Variants in C2orf76 observed in about 807,000 individuals in gnomAD.
C2orf76 encodes chromosome 2 open reading frame 76.
In C2orf76, 23 loss-of-function variants were observed where a neutral mutation model predicts 16.9. The observed-to-expected ratio is 1.36, with a 90% CI of 0.98 to 1.93. C2orf76 has a LOEUF of 1.93. Ranked by LOEUF, C2orf76 falls within the 30% of genes most tolerant of loss-of-function variation. The probability of loss-of-function intolerance (pLI) is 0.00; values close to 1 mark genes in which losing one functional copy is unlikely to be tolerated. For synonymous variants in C2orf76, 48 were observed against 52.3 expected, an observed-to-expected ratio of 0.92 and a Z score of 0.35; for missense variants, 152 against 152.6, an observed-to-expected ratio of 1.00 and a Z score of 0.02.
intron 2 of C2orf76, among the ~76,000 whole-genome samples, chr2:119,332,726 A>T (rs1428402279): frequency 6.6e-6 from 1 of 152,080 alleles, no homozygotes; most frequent in Non-Finnish European, 1.5e-5. Flanking sequence ...GGATGATAAA[A>T]ATAGTTTTGT....
upstream of C2orf76, chr2:119,366,882 C>A: frequency 1.2e-6 from 1 of 849,816 alleles, no homozygotes; most frequent in Non-Finnish European, 1.8e-6. Flanking sequence ...GGGGGCTGGG[C>A]ACGCCCCTAG....
At chr2:119,341,416 T>C (rs945304962) in intron 1 of C2orf76, among the ~76,000 whole-genome samples, 2 of 152,186 alleles carry the variant, frequency 1.3e-5, no homozygotes, top group Non-Finnish European at 2.9e-5. Context: ...CCCTGTGAGG[T>C]TGGTAAGATC....
At position 119,358,544 on chromosome 2, in the gene C2orf76, C is replaced by T. The variant is rs538987047; in HGVS notation, c.-13+8246G>A. Among the ~76,000 whole-genome samples the T allele has an allele frequency of 4.9e-4, 72 of 146,572 alleles. 1 individual carries two copies. The South Asian group carries it at 0.014, about 29-fold the overall frequency. Reference sequence around the variant, plus strand: ...AGTGAGCCGAAACTGCACCACTGCACTCCAGCCTGGGTGACAGAGGGAGAC... The same window carrying T: ...AGTGAGCCGAAACTGCACCACTGCATTCCAGCCTGGGTGACAGAGGGAGAC... On this transcript the variant is annotated intron_variant, in intron 1 of 5. Coordinates refer to ENST00000334816, the MANE Select transcript of C2orf76 (RefSeq NM_001322331.2).
At chr2:119,284,264 GC>G in the C2orf76 span, among the ~76,000 whole-genome samples, 2 of 152,160 alleles carry the variant, frequency 1.3e-5, no homozygotes, top group Non-Finnish European at 2.9e-5. Flanking sequence ...GCTGAGCCAT[GC>G]CGCAGACAGG....
In C2orf76 at chr2:119,327,613, C is replaced by T. The variant is rs1040919779; in HGVS notation, c.134-6409G>A. Among the ~76,000 whole-genome samples, 8 of 152,018 alleles carry T rather than the reference C, an allele frequency of 5.3e-5. No individual in the cohort carries two copies. The South Asian group carries it at 1.5e-3, about 28-fold the overall frequency. On this transcript the variant is annotated intron_variant, in intron 2 of 5. Coordinates refer to ENST00000334816, the MANE Select transcript of C2orf76 (RefSeq NM_001322331.2). ...GTTTAAAAAGAGCCTGATATCTTCT[C>T]CCTCTCTCTCTCTCTTGCTTCCTCT...
chr2:119,362,191 T>C (rs966910593), intron 1 of C2orf76, among the ~76,000 whole-genome samples: 3 of 152,228 alleles, frequency 2.0e-5, no homozygotes, highest in African/African-American at 7.2e-5. Flanking sequence ...AACATTCTTT[T>C]CTAGTTTACT....
At chr2:119,315,221 G>A (rs536414627) in intron 4 of C2orf76, among the ~76,000 whole-genome samples, 16 of 152,092 alleles carry the variant, frequency 1.1e-4, no homozygotes, top group East Asian at 3.9e-4. Context: ...GAGGAGGCTC[G>A]GGTGGGAAGG....
At chr2:119,311,577 G>A (rs767019975) in intron 5 of C2orf76, 45 bp downstream of exon 5, 1 of 1,598,474 alleles carries the variant, frequency 6.3e-7, no homozygotes, top group Non-Finnish European at 8.5e-7. Flanking sequence ...CTCAGGATAG[G>A]CCGGCAGAGG....
chr2:119,334,409 G>C (rs1372072937), intron 2 of C2orf76, among the ~76,000 whole-genome samples: 1 of 147,042 alleles, frequency 6.8e-6, no homozygotes, highest in Non-Finnish European at 1.5e-5. Context: ...AAAAAAGGTC[G>C]GGCACAGCGA....
chr2:119,300,623 T>C (rs115556615), downstream of C2orf76, among the ~76,000 whole-genome samples: 361 of 152,334 alleles, frequency 2.4e-3, 3 homozygotes, highest in African/African-American at 8.2e-3. Context: ...GAAAATATTA[T>C]CTAAGTGAAA....
the C2orf76 span, among the ~76,000 whole-genome samples, chr2:119,292,237 T>C: frequency 6.6e-6 from 1 of 152,170 alleles, no homozygotes; most frequent in South Asian, 2.1e-4. Flanking sequence ...ATTTGTACAG[T>C]TGTACAATCC....
chr2:119,303,904 A>C (rs1678695007), intron 5 of C2orf76, among the ~76,000 whole-genome samples: 1 of 101,150 alleles, frequency 9.9e-6, no homozygotes, highest in East Asian at 2.2e-4. Flanking sequence ...TACAGCACAG[A>C]GAAACTGGAG....
chr2:119,311,562 C>A, intron 5 of C2orf76, 60 bp downstream of exon 5: 2 of 1,577,950 alleles, frequency 1.3e-6, no homozygotes, highest in South Asian at 1.2e-5. Flanking sequence ...TACCATCAGC[C>A]AGGCCTCAGG....
the C2orf76 span, among the ~76,000 whole-genome samples, chr2:119,289,663 C>T: frequency 2.0e-5 from 3 of 149,798 alleles, no homozygotes; most frequent in South Asian, 2.2e-4. Flanking sequence ...TCCAGCCTGG[C>T]GACAGAGTGA....
At chr2:119,318,147 TC>T (rs1679233536) in intron 3 of C2orf76, among the ~76,000 whole-genome samples, 1 of 152,210 alleles carries the variant, frequency 6.6e-6, no homozygotes, top group African/African-American at 2.4e-5. Flanking sequence ...ACTGTGCACT[TC>T]CAGTAAGTAA....
chr2:119,298,839 C>A (rs981513856), downstream of C2orf76, among the ~76,000 whole-genome samples: 1 of 152,144 alleles, frequency 6.6e-6, no homozygotes, highest in Non-Finnish European at 1.5e-5. Flanking sequence ...GAATGTTTTG[C>A]CTACTCCTTT....
chr2:119,282,145 C>T, the C2orf76 span, among the ~76,000 whole-genome samples: 1 of 134,602 alleles, frequency 7.4e-6, no homozygotes, highest in Non-Finnish European at 1.6e-5. Context: ...GACTCCGTCT[C>T]AAAGAAAAAA....
chr2:119,362,835 GGAA>G (rs1179852520), intron 1 of C2orf76, among the ~76,000 whole-genome samples: 1 of 152,096 alleles, frequency 6.6e-6, no homozygotes, highest in Non-Finnish European at 1.5e-5. Flanking sequence ...AAAAAGAAGA[GGAA>G]GAAGAAAATG....
chr2:119,298,155 T>C (rs909545774), downstream of C2orf76, among the ~76,000 whole-genome samples: 2 of 152,216 alleles, frequency 1.3e-5, no homozygotes, highest in Admixed American at 1.3e-4. Flanking sequence ...TATGAAATTA[T>C]GGCATACGCC....
Sources: gnomAD v4.1 joint callset for allele counts (sites outside exome capture counted in the v4.1 genomes callset) on GRCh38, gnomAD v4.1.1 for gene constraint, MANE v1.5 for transcripts, NCBI Gene and HGNC (gene_info 2026-07-23, HGNC 2026-07-21) for gene names.